Variants in ZFHX3 observed in about 807,000 individuals in gnomAD.
ZFHX3 encodes zinc finger homeobox protein 3.
Under a neutral mutation model 279.1 loss-of-function variants are expected in ZFHX3, and 42 were observed. That is an observed-to-expected ratio of 0.15 (90% CI 0.12 to 0.19). The LOEUF (loss-of-function observed/expected upper bound fraction) is 0.19. ZFHX3 is among the 10% of genes least tolerant of loss of function. The pLI is 1.00. For synonymous variants in ZFHX3, 2,293 were observed against 1,957.8 expected (o/e 1.17, Z -4.52); for missense variants, 4,981 against 4,754.0 (o/e 1.05, Z -1.40).
intron 5 of ZFHX3, among the ~76,000 whole-genome samples, chr16:73,188,664 A>G (rs1597210834): frequency 6.6e-6 from 1 of 152,184 alleles, no homozygotes; most frequent in South Asian, 2.1e-4. Context: ...GGCATCTCTG[A>G]AAATATTTCC....
Position 72,860,956 on chromosome 16 carries a change from C to CT in ZFHX3, c.3448+28774dup, listed in dbSNP as rs1379260250. ...GTGTGCACAACGGTGACTTTACAGC[C>CT]TCCCAGGGTTTTCCCAAGTTACAGA... On this transcript the variant is annotated intron_variant, in intron 4 of 9. Coordinates refer to ENST00000268489, the MANE Select transcript of ZFHX3 (RefSeq NM_006885.4). 3.9e-5 allele frequency among the ~76,000 whole-genome samples: 6 copies of CT among 152,296 alleles called. No individual in the cohort carries two copies. In the East Asian group the frequency reaches 1.2e-3, roughly 29 times the overall value.
chr16:72,924,668 C>T (rs1193044745), intron 3 of ZFHX3, among the ~76,000 whole-genome samples: 2 of 152,096 alleles, frequency 1.3e-5, no homozygotes. Flanking sequence ...CTGTTGAATG[C>T]CAAGCCTGAA....
chr16:73,820,912 T>C (rs1254387442), intron 1 of ZFHX3, among the ~76,000 whole-genome samples: 1 of 151,902 alleles, frequency 6.6e-6, no homozygotes, highest in Non-Finnish European at 1.5e-5. Flanking sequence ...ACAGACATCA[T>C]CATCACCCTA....
chr16:73,252,873 C>A (rs1371815251), intron 5 of ZFHX3, among the ~76,000 whole-genome samples: 1 of 152,328 alleles, frequency 6.6e-6, no homozygotes, highest in African/African-American at 2.4e-5. Context: ...ACAACCAATG[C>A]AACCAAAGTA....
chr16:73,632,105 C>T (rs946807900), intron 2 of ZFHX3, among the ~76,000 whole-genome samples: 3 of 152,082 alleles, frequency 2.0e-5, no homozygotes, highest in Admixed American at 6.5e-5. Context: ...TCAAAAGAGT[C>T]ATAAAATGTT....
chr16:73,152,179 A>G (rs541041102), intron 5 of ZFHX3, among the ~76,000 whole-genome samples: 1 of 152,222 alleles, frequency 6.6e-6, no homozygotes, highest in South Asian at 2.1e-4. Flanking sequence ...ATATCACTCA[A>G]CTCCAGTCAG....
chr16:73,566,609 C>T lies in ZFHX3; in HGVS notation c.-1546-110351G>A, dbSNP rs192783681. Among the ~76,000 whole-genome samples, 27 of 140,900 alleles carry T rather than the reference C, an allele frequency of 1.9e-4. No homozygotes were observed. The East Asian group carries it at 5.3e-3, about 28-fold the overall frequency. 92.4% of individuals were successfully genotyped at this position (140,900 alleles called of 152,430 possible). A position where few individuals can be genotyped will look rare whatever the true frequency, so the allele number is the denominator to read the frequency against. ...TCACACATATTCCTGTGGCCTCAAA[C>T]TCCTGGGCTCAAGCAATCCTCCCAC... On this transcript the variant is annotated intron_variant, in intron 2 of 17. Coordinates refer to the ZFHX3 transcript ENST00000641206.
chr16:72,956,499 T>C (rs1478427556), intron 2 of ZFHX3, among the ~76,000 whole-genome samples: 1 of 152,180 alleles, frequency 6.6e-6, no homozygotes, highest in East Asian at 1.9e-4. Flanking sequence ...ATCCTCAAAG[T>C]GGCTGTGGTT....
chr16:73,440,631 G>T (rs143512573), intron 3 of ZFHX3, among the ~76,000 whole-genome samples: 1 of 152,202 alleles, frequency 6.6e-6, no homozygotes, highest in East Asian at 1.9e-4. Context: ...ACCTACCTTA[G>T]TAATGGTTCC....
chr16:73,635,801 G>A (rs369977387), intron 2 of ZFHX3, among the ~76,000 whole-genome samples: 58 of 152,190 alleles, frequency 3.8e-4, no homozygotes, highest in African/African-American at 1.4e-3. Context: ...CACTTCCTTT[G>A]ACTTTCCCAC....
chr16:73,340,975 A>G (rs1294572475), intron 3 of ZFHX3, among the ~76,000 whole-genome samples: 7 of 152,228 alleles, frequency 4.6e-5, no homozygotes, highest in Non-Finnish European at 7.3e-5. Flanking sequence ...AAGATGCGTG[A>G]CAAACAGGAG....
chr16:72,925,034 T>G (rs111813083), intron 3 of ZFHX3, among the ~76,000 whole-genome samples: 62 of 152,314 alleles, frequency 4.1e-4, no homozygotes, highest in African/African-American at 1.4e-3. Context: ...GGGAAGGCCT[T>G]ACAACGGGGA....
intron 4 of ZFHX3, among the ~76,000 whole-genome samples, chr16:72,869,775 T>C (rs1418589835): frequency 6.6e-6 from 1 of 152,220 alleles, no homozygotes; most frequent in Non-Finnish European, 1.5e-5. Flanking sequence ...CCTTATTAAA[T>C]CATCTCCAAG....
At chr16:73,593,361 A>C (rs994514087) in intron 2 of ZFHX3, among the ~76,000 whole-genome samples, 2 of 152,176 alleles carry the variant, frequency 1.3e-5, no homozygotes, top group Admixed American at 6.5e-5. Flanking sequence ...AATAGGTATA[A>C]ATTTCTAACT....
At chr16:72,943,903 T>C (rs933430927) in intron 3 of ZFHX3, among the ~76,000 whole-genome samples, 14 of 152,344 alleles carry the variant, frequency 9.2e-5, no homozygotes, top group African/African-American at 3.1e-4. Flanking sequence ...AAGGAAATAC[T>C]ATGTCGACAT....
In ZFHX3 at chr16:72,787,800, C is replaced by A. The variant is rs2143287811; in HGVS notation, c.10476G>T (p.Gln3492His). ...CCATCTCTTGCAGGTTCACCACAGA[C>A]TGGCCGAAGAAGCAGAGGGACTTCA... ...SHLKSLCFFG[Q>H]SVVNLQEMVL... is the part of the protein sequence containing the mutation. The change falls in exon 10 of 10, where the codon CAG (glutamine) becomes CAT (histidine). Residue 3492 changes from glutamine to histidine, a missense_variant. Around this residue, in one of 7 missense-constraint regions of ZFHX3, gnomAD observed 1,034 missense variants for 786.0 expected, o/e 1.32. Coordinates refer to ENST00000268489, the MANE Select transcript of ZFHX3 (RefSeq NM_006885.4). 6.2e-7 allele frequency: 1 copy of A among 1,613,428 alleles called. No homozygotes were observed. Among genetic ancestry groups the A allele is most frequent in the Non-Finnish European group, 8.5e-7 (1 of 1,179,786 alleles).
At chr16:73,611,665 G>T (rs2052248314) in intron 2 of ZFHX3, among the ~76,000 whole-genome samples, 1 of 152,188 alleles carries the variant, frequency 6.6e-6, no homozygotes, top group South Asian at 2.1e-4. Context: ...TGGCAATTGT[G>T]TGCAAACAAA....
intron 3 of ZFHX3, among the ~76,000 whole-genome samples, chr16:73,359,562 T>G (rs1317726804): frequency 6.6e-6 from 1 of 152,162 alleles, no homozygotes; most frequent in Non-Finnish European, 1.5e-5. Context: ...TTCTTAGGAC[T>G]GGAGACCAGA....
chr16:73,431,813 G>A (rs2017916607), intron 3 of ZFHX3, among the ~76,000 whole-genome samples: 1 of 152,120 alleles, frequency 6.6e-6, no homozygotes, highest in Non-Finnish European at 1.5e-5. Flanking sequence ...CCAAGTGTAA[G>A]GAGGCAGGCG....
Sources: gnomAD v4.1 joint callset for allele counts (sites outside exome capture counted in the v4.1 genomes callset) on GRCh38, gnomAD v4.1.1 for gene constraint, gnomAD v4.1.1 regional missense constraint, MANE v1.5 for transcripts, NCBI Gene and HGNC (gene_info 2026-07-23, HGNC 2026-07-21) for gene names.